The following ELOVL2 variants were observed in gnomAD, a reference collection of about 807,000 sequenced individuals.
ELOVL2 encodes the protein ELOVL fatty acid elongase 2, also known as very long chain fatty acid elongase 2.
Under a neutral mutation model 37.7 loss-of-function variants are expected in ELOVL2, and 38 were observed. The observed-to-expected ratio is 1.01, with a 90% CI of 0.78 to 1.32. The LOEUF (loss-of-function observed/expected upper bound fraction) is 1.32. Ranked by LOEUF, ELOVL2 falls within the 40% of genes most tolerant of loss-of-function variation. The pLI, the probability that ELOVL2 is intolerant of heterozygous loss-of-function variation, is 0.00. For missense variants in ELOVL2, 352 were observed against 363.6 expected, an observed-to-expected ratio of 0.97 and a Z score of 0.26; for synonymous variants, 115 against 122.3, an observed-to-expected ratio of 0.94 and a Z score of 0.40.
At chr6:11,032,104 G>A (rs549165367) in intron 1 of ELOVL2, among the ~76,000 whole-genome samples, 5 of 152,104 alleles carry the variant, frequency 3.3e-5, no homozygotes, top group South Asian at 2.1e-4. Flanking sequence ...GTTTCCAGTC[G>A]GCTACAGACA....
At chr6:11,015,759 C>G (rs1372723492) in intron 1 of ELOVL2, 1 of 152,176 alleles carries the variant, frequency 6.6e-6, no homozygotes, top group Non-Finnish European at 1.5e-5. Context: ...AAGAAGGACA[C>G]ACTTCTTGGG....
rs554552465 is a variant in ELOVL2, at chr6:11,031,651, T to C, written c.3+12577A>G. Among the ~76,000 whole-genome samples, 3 of 152,288 alleles carry C rather than the reference T, an allele frequency of 2.0e-5. No individual in the cohort carries two copies. The East Asian group carries it at 5.8e-4, about 29-fold the overall frequency. On this transcript the variant is annotated intron_variant, in intron 1 of 7. Coordinates refer to ENST00000354666, the MANE Select transcript of ELOVL2 (RefSeq NM_017770.4). ...CTTCTCCTCCTTTAAAAAGAAAAAA[T>C]CTGTATGGTGTCTTCTGTCATCTCA...
chr6:11,024,638 GC>G (rs1782814033), intron 1 of ELOVL2, among the ~76,000 whole-genome samples: 1 of 152,100 alleles, frequency 6.6e-6, no homozygotes, highest in South Asian at 2.1e-4. Flanking sequence ...TTCCTCTCCT[GC>G]TTTCTTCTAC....
intron 7 of ELOVL2, among the ~76,000 whole-genome samples, chr6:10,984,612 T>G (rs1782011170): frequency 6.7e-6 from 1 of 149,238 alleles, no homozygotes; most frequent in South Asian, 2.1e-4. Context: ...CATGCGGTGT[T>G]TGGTTTTTTG....
Position 10,982,631 on chromosome 6 carries a change from A to G in ELOVL2, c.*1150T>C, listed in dbSNP as rs1050278297. 2.6e-5 allele frequency: 4 copies of G among 152,196 alleles called. No homozygotes were observed. The highest frequency in any genetic ancestry group is 7.2e-5 in the African/African-American group (3 of 41,426). 9.4% of individuals were successfully genotyped at this position (152,196 alleles called of 1,614,324 possible). ...TTGCTTCTCGGTAGAGATCGCATAT[A>G]CCTGAGCAGGGAACAGGAGTGCTGA... On this transcript the variant is annotated 3_prime_UTR_variant, in exon 8 of 8. Coordinates refer to ENST00000354666, the MANE Select transcript of ELOVL2 (RefSeq NM_017770.4).
At chr6:11,001,486 A>AT (rs568201861) in intron 3 of ELOVL2, among the ~76,000 whole-genome samples, 3 of 152,214 alleles carry the variant, frequency 2.0e-5, no homozygotes, top group South Asian at 2.1e-4. Context: ...GTGTTCGTGC[A>AT]TTTTTTCAAA....
chr6:11,013,134 T>C (rs914421049), intron 1 of ELOVL2, among the ~76,000 whole-genome samples: 14 of 152,228 alleles, frequency 9.2e-5, no homozygotes, highest in African/African-American at 3.4e-4. Flanking sequence ...GAAATGTTTT[T>C]ATGGCCAGGG....
intron 2 of ELOVL2, among the ~76,000 whole-genome samples, chr6:11,006,132 A>AG (rs1782480035): frequency 6.6e-6 from 1 of 152,140 alleles, no homozygotes. Flanking sequence ...CAGTAATGGA[A>AG]GGGGTTTAGA....
At chr6:11,027,256 G>A (rs188657627) in intron 1 of ELOVL2, among the ~76,000 whole-genome samples, 1 of 152,182 alleles carries the variant, frequency 6.6e-6, no homozygotes, top group African/African-American at 2.4e-5. Flanking sequence ...CATTGTAAAG[G>A]CTCAAGAATG....
rs369119984 is a variant in ELOVL2 at position 11,005,516 on chromosome 6, A to C, written c.111T>G (p.Pro37=). The change falls in exon 3 of 8, where the codon CCT becomes CCG. Residue 37 remains proline, a synonymous_variant. Coordinates refer to ENST00000354666, the MANE Select transcript of ELOVL2 (RefSeq NM_017770.4). ...RGWFMLDSYL[P]TFFLTVMYLL... Reference sequence around the variant, plus strand: ...GATACATGACAGTAAGAAAAAAGGTAGGAAGGTAAGAGTCCAACATGAACC... The same window carrying C: ...GATACATGACAGTAAGAAAAAAGGTCGGAAGGTAAGAGTCCAACATGAACC... 7 of 1,614,018 alleles carry C rather than the reference A, an allele frequency of 4.3e-6. No homozygotes were observed. In the African/African-American group the frequency reaches 9.3e-5, roughly 22 times the overall value.
intron 2 of ELOVL2, among the ~76,000 whole-genome samples, chr6:11,009,766 A>G (rs547400701): frequency 5.3e-5 from 8 of 152,190 alleles, no homozygotes; most frequent in Admixed American, 2.0e-4. Context: ...AGTCCATGAT[A>G]AGAAGTTTGG....
At chr6:11,022,210 G>T (rs1296336403) in intron 1 of ELOVL2, among the ~76,000 whole-genome samples, 1 of 152,214 alleles carries the variant, frequency 6.6e-6, no homozygotes, top group African/African-American at 2.4e-5. Context: ...TGCGTGGAGT[G>T]TGTTACCTGC....
chr6:10,996,775 C>T lies in ELOVL2; in HGVS notation c.334-1597G>A, dbSNP rs530235274. On this transcript the variant is annotated intron_variant, in intron 4 of 7. Coordinates refer to ENST00000354666, the MANE Select transcript of ELOVL2 (RefSeq NM_017770.4). Reference sequence around the variant, plus strand: ...GGTGCATCACCTGAGGTAGGGAGGCCGAGGCAGGTGGATCACCTGAGGTCA... The same window carrying T: ...GGTGCATCACCTGAGGTAGGGAGGCTGAGGCAGGTGGATCACCTGAGGTCA... Among the ~76,000 whole-genome samples, 13 of 152,072 alleles carry T rather than the reference C, an allele frequency of 8.5e-5. No homozygotes were observed. The South Asian group carries it at 1.9e-3, about 22-fold the overall frequency.
At chr6:11,038,445 C>T (rs1237750972) in intron 1 of ELOVL2, among the ~76,000 whole-genome samples, 1 of 151,914 alleles carries the variant, frequency 6.6e-6, no homozygotes, top group African/African-American at 2.4e-5. Flanking sequence ...TGCGCTACTG[C>T]ACTCCAGCCT....
intron 7 of ELOVL2, among the ~76,000 whole-genome samples, chr6:10,986,343 C>T (rs1292876236): frequency 3.3e-5 from 5 of 152,124 alleles, no homozygotes; most frequent in Non-Finnish European, 7.3e-5. Flanking sequence ...CCTTTATTTC[C>T]TTCTCCTGCC....
chr6:11,010,672 A>G, intron 2 of ELOVL2, 74 bp downstream of exon 2: 2 of 1,198,910 alleles, frequency 1.7e-6, no homozygotes, highest in Non-Finnish European at 1.2e-6. Context: ...CAGAAATAAC[A>G]TAATCCCTTT....
intron 1 of ELOVL2, among the ~76,000 whole-genome samples, chr6:11,040,796 C>CAAG (rs1783087866): frequency 6.6e-6 from 1 of 152,060 alleles, no homozygotes; most frequent in African/African-American, 2.4e-5. Context: ...TTTGTTCCTC[C>CAAG]CGAAAACCTT....
At chr6:11,018,467 A>G (rs1014386834) in intron 1 of ELOVL2, among the ~76,000 whole-genome samples, 1 of 152,236 alleles carries the variant, frequency 6.6e-6, no homozygotes, top group African/African-American at 2.4e-5. Flanking sequence ...AGAAGTATGG[A>G]GACACCATCT....
At chr6:10,985,317 T>C (rs1308628369) in intron 7 of ELOVL2, among the ~76,000 whole-genome samples, 1 of 152,040 alleles carries the variant, frequency 6.6e-6, no homozygotes, top group Non-Finnish European at 1.5e-5. Flanking sequence ...AGGTTGCCTG[T>C]TCACTCTGAT....
Sources: gnomAD v4.1 joint callset for allele counts (sites outside exome capture counted in the v4.1 genomes callset) on GRCh38, gnomAD v4.1.1 for gene constraint, MANE v1.5 for transcripts, NCBI Gene and HGNC (gene_info 2026-07-23, HGNC 2026-07-21) for gene names.